SOX5: variants seen among roughly 807,000 people sequenced by gnomAD.
The protein encoded by SOX5 is transcription factor SOX-5.
SOX5 carries 9 observed loss-of-function variants against 92.0 expected under a neutral mutation model. That is an observed-to-expected ratio of 0.10 (90% CI 0.06 to 0.17). The LOEUF (loss-of-function observed/expected upper bound fraction) is 0.17. SOX5 is among the 10% of genes least tolerant of loss of function. The probability of loss-of-function intolerance (pLI) is 1.00; values close to 1 mark genes in which losing one functional copy is unlikely to be tolerated. For missense variants in SOX5, 642 were observed against 944.5 expected (o/e 0.68, Z 4.20); for synonymous variants, 344 against 336.3 (o/e 1.02, Z -0.25).
Position 24,352,375 on chromosome 12 carries a change from T to TA in SOX5, c.-174+16187dup, listed in dbSNP as rs201926501. On this transcript the variant is annotated intron_variant, in intron 2 of 4. Coordinates refer to the SOX5 transcript ENST00000446891. Reference sequence around the variant, plus strand: ...AAAGCAATCCTCAAATGGCTCTTTCTAAAAAAAAAGTTGAATAACATATGG... The same window carrying TA: ...AAAGCAATCCTCAAATGGCTCTTTCTAAAAAAAAAAGTTGAATAACATATGG... Among the ~76,000 whole-genome samples, 658 of 151,088 alleles carry TA rather than the reference T, an allele frequency of 4.4e-3. 9 individuals are homozygous for TA. Among genetic ancestry groups the TA allele is most frequent in the African/African-American group, 0.015 (618 of 41,224 alleles).
intron 6 of SOX5, among the ~76,000 whole-genome samples, chr12:23,682,582 G>A (rs527440108): frequency 6.6e-6 from 1 of 151,854 alleles, no homozygotes; most frequent in Non-Finnish European, 1.5e-5. Context: ...ACAGTTTGAA[G>A]ATTGCACTAT....
At chr12:23,553,222 C>T (rs1234265647) in intron 11 of SOX5, among the ~76,000 whole-genome samples, 1 of 151,958 alleles carries the variant, frequency 6.6e-6, no homozygotes, top group African/African-American at 2.4e-5. Context: ...AATCTGATTG[C>T]TTTTCAGACA....
At chr12:24,493,993 C>T (rs914774453) in intron 1 of SOX5, among the ~76,000 whole-genome samples, 2 of 152,078 alleles carry the variant, frequency 1.3e-5, no homozygotes, top group Admixed American at 6.5e-5. Flanking sequence ...CCTCAATGAT[C>T]GAATGTATTG....
intron 1 of SOX5, among the ~76,000 whole-genome samples, chr12:24,401,468 G>T (rs10842338): frequency 6.6e-6 from 1 of 151,666 alleles, no homozygotes; most frequent in Non-Finnish European, 1.5e-5. Context: ...CCAGAGCTTT[G>T]GGAGGTCAAG....
Position 24,514,091 on chromosome 12 carries a change from C to A in SOX5, c.-251+48238G>T, listed in dbSNP as rs1015435077. On this transcript the variant is annotated intron_variant, in intron 1 of 4. Coordinates refer to the SOX5 transcript ENST00000446891. ...GGTGTCCCTCCTCAGGCCTCTGAAT[C>A]GACTCAAATTTAACAACAGGGCCTT... Among the ~76,000 whole-genome samples the A allele has an allele frequency of 2.6e-5, 4 of 152,320 alleles. No homozygotes were observed. In the South Asian group the frequency reaches 8.3e-4, roughly 32 times the overall value.
chr12:24,117,253 C>G (rs980990124), intron 4 of SOX5, among the ~76,000 whole-genome samples: 7 of 152,006 alleles, frequency 4.6e-5, no homozygotes, highest in African/African-American at 1.7e-4. Context: ...AAATTAAAAC[C>G]ATGTTGAGAT....
At chr12:23,922,129 T>C (rs2138862002) in intron 1 of SOX5, among the ~76,000 whole-genome samples, 1 of 152,324 alleles carries the variant, frequency 6.6e-6, no homozygotes, top group South Asian at 2.1e-4. Context: ...AGTGTGTTCG[T>C]CCTTTAAAAA....
chr12:24,096,050 G>A (rs1346357985), intron 4 of SOX5, among the ~76,000 whole-genome samples: 1 of 152,168 alleles, frequency 6.6e-6, no homozygotes, highest in African/African-American at 2.4e-5. Context: ...TGAACTGGAA[G>A]ATTAATTGTG....
chr12:23,970,653 A>G (rs1948117501), intron 4 of SOX5, among the ~76,000 whole-genome samples: 1 of 150,464 alleles, frequency 6.6e-6, no homozygotes, highest in African/African-American at 2.4e-5. Context: ...ATTCTGTTTT[A>G]TGAATATACC....
chr12:23,791,991 ATCTCTT>A (rs2095482776), intron 3 of SOX5, among the ~76,000 whole-genome samples: 1 of 152,020 alleles, frequency 6.6e-6, no homozygotes, highest in African/African-American at 2.4e-5. Flanking sequence ...ATATTAAATT[ATCTCTT>A]TCTAAGATTT....
At chr12:24,020,138 A>G (rs1954114257) in intron 4 of SOX5, among the ~76,000 whole-genome samples, 1 of 152,226 alleles carries the variant, frequency 6.6e-6, no homozygotes, top group African/African-American at 2.4e-5. Context: ...AATGTTGAGC[A>G]GTCCTTAAGG....
intron 4 of SOX5, among the ~76,000 whole-genome samples, chr12:24,049,532 G>T (rs1957349198): frequency 1.3e-5 from 2 of 151,654 alleles, no homozygotes; most frequent in African/African-American, 4.9e-5. Context: ...ATGATTTTTA[G>T]TCCTGCAGCT....
intron 1 of SOX5, among the ~76,000 whole-genome samples, chr12:24,493,820 C>T (rs1173609106): frequency 6.6e-6 from 1 of 150,608 alleles, no homozygotes; most frequent in Admixed American, 6.6e-5. Context: ...GCGGAGATTG[C>T]ACCACTGCAC....
intron 9 of SOX5, among the ~76,000 whole-genome samples, chr12:23,588,464 T>C (rs1951054953): frequency 6.6e-6 from 1 of 152,042 alleles, no homozygotes; most frequent in South Asian, 2.1e-4. Context: ...AACTCAGCTG[T>C]AATGCTCGTT....
intron 3 of SOX5, among the ~76,000 whole-genome samples, chr12:24,251,798 C>T (rs1428316897): frequency 6.6e-6 from 1 of 151,882 alleles, no homozygotes; most frequent in African/African-American, 2.4e-5. Context: ...TCTCAAACTC[C>T]CAACCTCAGG....
intron 3 of SOX5, among the ~76,000 whole-genome samples, chr12:23,800,849 C>T (rs761824914): frequency 6.6e-6 from 1 of 152,072 alleles, no homozygotes; most frequent in Non-Finnish European, 1.5e-5. Flanking sequence ...GCTTATCTGT[C>T]AAATTGAGAC....
intron 4 of SOX5, among the ~76,000 whole-genome samples, chr12:24,166,516 C>T (rs779318133): frequency 1.3e-5 from 2 of 152,106 alleles, no homozygotes; most frequent in Admixed American, 6.6e-5. Context: ...TTTAGCCCCC[C>T]TAATTTCCCA....
chr12:24,459,087 T>C (rs1943339803), intron 1 of SOX5, among the ~76,000 whole-genome samples: 2 of 152,144 alleles, frequency 1.3e-5, no homozygotes, highest in Admixed American at 1.3e-4. Context: ...ATAGGGATGA[T>C]TGTTTCCGTT....
rs139160802 is a variant in SOX5 at position 23,928,478 on chromosome 12, G to C, written c.38+21086C>G. Among the ~76,000 whole-genome samples, 183 of 151,874 alleles carry C rather than the reference G, an allele frequency of 1.2e-3. 1 individual carries two copies. The highest frequency in any genetic ancestry group is 4.2e-3 in the African/African-American group (173 of 41,416). On this transcript the variant is annotated intron_variant, in intron 1 of 14. Transcript: ENST00000451604. ...ATGCCTTTAGTATCATTAGACGTAT[G>C]AATTTCTAAGCATATAAAAACAATT...
Sources: gnomAD v4.1 joint callset for allele counts (sites outside exome capture counted in the v4.1 genomes callset) on GRCh38, gnomAD v4.1.1 for gene constraint, MANE v1.5 for transcripts, NCBI Gene and HGNC (gene_info 2026-07-23, HGNC 2026-07-21) for gene names.